Variants in CPA6 observed in about 807,000 individuals in gnomAD.
The protein encoded by CPA6 is carboxypeptidase B.
CPA6 carries 58 observed loss-of-function variants against 63.3 expected under a neutral mutation model. The observed-to-expected ratio is 0.92, with a 90% CI of 0.74 to 1.14. The LOEUF (loss-of-function observed/expected upper bound fraction) is 1.14. Among genes scored for constraint, CPA6 ranks in the 50% most tolerant of loss-of-function variants. The pLI, the probability that CPA6 is intolerant of heterozygous loss-of-function variation, is 0.00. For synonymous variants in CPA6, 185 were observed against 179.0 expected (o/e 1.03, Z -0.27); for missense variants, 565 against 526.6 (o/e 1.07, Z -0.71).
intron 4 of CPA6, among the ~76,000 whole-genome samples, chr8:67,510,627 C>T (rs866336483): frequency 2.6e-5 from 4 of 152,020 alleles, no homozygotes; most frequent in East Asian, 1.9e-4. Flanking sequence ...AACCAAAAAC[C>T]GTCTTAAGAA....
chr8:67,496,066 A>G (rs1416384177), intron 6 of CPA6, among the ~76,000 whole-genome samples: 1 of 152,102 alleles, frequency 6.6e-6, no homozygotes, highest in Non-Finnish European at 1.5e-5. Context: ...TCAAATTCCA[A>G]CTTCTCAGTC....
At chr8:67,715,150 A>G (rs898347612) in intron 1 of CPA6, among the ~76,000 whole-genome samples, 7 of 152,082 alleles carry the variant, frequency 4.6e-5, no homozygotes, top group Non-Finnish European at 7.4e-5. Context: ...TGGGTGTCCT[A>G]TGATTAAATT....
chr8:67,498,499 A>G (rs1563976915), intron 6 of CPA6, among the ~76,000 whole-genome samples: 2 of 145,282 alleles, frequency 1.4e-5, no homozygotes, highest in South Asian at 4.4e-4. Flanking sequence ...TCACACCACT[A>G]CACTCCAACC....
chr8:67,483,752 T>C lies in CPA6; in HGVS notation c.838+16A>G. 6.2e-7 allele frequency: 1 copy of C among 1,609,502 alleles called. No homozygotes were observed. The highest frequency in any genetic ancestry group is 8.5e-7 in the Non-Finnish European group (1 of 1,175,834). ...AGAAACCTTTGGATCTGGATCCCAG[T>C]TGGTCCCAAACTTACCACACCACTT... On this transcript the variant is annotated intron_variant, in intron 8 of 10. Transcript: ENST00000297770.
chr8:67,710,720 C>T (rs1037238541), intron 1 of CPA6, among the ~76,000 whole-genome samples: 1 of 150,142 alleles, frequency 6.7e-6, no homozygotes, highest in African/African-American at 2.5e-5. Flanking sequence ...TCTAGGGTCC[C>T]ATTGGCCCAA....
intron 2 of CPA6, among the ~76,000 whole-genome samples, chr8:67,572,390 A>G (rs1813507854): frequency 6.6e-6 from 1 of 152,198 alleles, no homozygotes; most frequent in Admixed American, 6.5e-5. Flanking sequence ...AATTCCCACA[A>G]GAATGGATTA....
intron 2 of CPA6, among the ~76,000 whole-genome samples, chr8:67,538,910 T>G (rs1182961880): frequency 6.6e-6 from 1 of 152,122 alleles, no homozygotes; most frequent in African/African-American, 2.4e-5. Flanking sequence ...CTGCCTGCCT[T>G]GGACTCCCCA....
intron 2 of CPA6, among the ~76,000 whole-genome samples, chr8:67,588,882 G>A (rs113424937): frequency 6.0e-4 from 91 of 152,232 alleles, no homozygotes; most frequent in African/African-American, 2.0e-3. Context: ...GCTCATGCGT[G>A]TAATCCCAGC....
At chr8:67,681,200 C>CTTTCTTTTTTTTTTTTTTTTTTT (rs1816586314) in intron 1 of CPA6, among the ~76,000 whole-genome samples, 1 of 89,896 alleles carries the variant, frequency 1.1e-5, no homozygotes, top group Non-Finnish European at 2.0e-5. Context: ...CAAAGATTTT[C>CTTTCTTTTTTTTTTTTTTTTTTT]TTTTTTTTTT....
chr8:67,484,671 T>C lies in CPA6; in HGVS notation c.747+8A>G, dbSNP rs756155417. On this transcript the variant is annotated splice_region_variant and intron_variant, in intron 7 of 10. Transcript: ENST00000297770. ...CCTCTTTTCAACTGGGTAGGCAAAG[T>C]GACTTACATTGGTCCAACTAAAATG... The C allele has an allele frequency of 2.8e-6, 4 of 1,423,736 alleles. No homozygotes were observed. In the East Asian group the frequency reaches 9.1e-5, roughly 32 times the overall value. The allele number at this position is 1,423,736 out of a possible 1,614,324, so 88.2% of individuals were successfully genotyped here. A position where few individuals can be genotyped will look rare whatever the true frequency, so the allele number is the denominator to read the frequency against.
At position 67,428,276 on chromosome 8, in the gene CPA6, T is replaced by C. The variant is rs112889735; in HGVS notation, c.1042-145A>G. ...CATTAATAATATTATATTACTCTTA[T>C]GTCACACGCTACATTTTGCAACATG... On this transcript the variant is annotated intron_variant, in intron 9 of 10. Transcript: ENST00000297770. The C allele has an allele frequency of 1.8e-5, 10 of 540,758 alleles. 1 individual carries two copies. The highest frequency in any genetic ancestry group is 2.3e-5 in the Non-Finnish European group (7 of 307,156). 33.5% of individuals were successfully genotyped at this position (540,758 alleles called of 1,614,324 possible).
chr8:67,630,110 A>AAAT (rs61666997), intron 1 of CPA6, among the ~76,000 whole-genome samples: 35,529 of 144,682 alleles, frequency 0.25, 4,601 homozygotes, highest in African/African-American at 0.32. Flanking sequence ...GTCTCAATTA[A>AAAT]AATAATAATA....
intron 8 of CPA6, among the ~76,000 whole-genome samples, chr8:67,450,669 G>T (rs773991547): frequency 6.6e-6 from 1 of 152,188 alleles, no homozygotes; most frequent in Non-Finnish European, 1.5e-5. Flanking sequence ...GGGTGAAGAC[G>T]TGAGTGGTGA....
chr8:67,590,801 G>A (rs1359542734), intron 2 of CPA6, among the ~76,000 whole-genome samples: 1 of 150,452 alleles, frequency 6.6e-6, no homozygotes, highest in African/African-American at 2.4e-5. Flanking sequence ...TGTCAGATGA[G>A]TAGGTTGCGA....
In CPA6 at chr8:67,489,593, C is replaced by T. The variant is rs1336271592; in HGVS notation, c.637-4804G>A. Reference sequence around the variant, plus strand: ...ACAGATTATTTGGTATTTGTTGATACTTGCTTTGTGGACTAGAATATAATC... The same window carrying T: ...ACAGATTATTTGGTATTTGTTGATATTTGCTTTGTGGACTAGAATATAATC... On this transcript the variant is annotated intron_variant, in intron 6 of 10. Coordinates refer to ENST00000297770, the MANE Select transcript of CPA6 (RefSeq NM_020361.5). Among the ~76,000 whole-genome samples the T allele has an allele frequency of 2.6e-5, 4 of 151,822 alleles. No individual in the cohort carries two copies. In the East Asian group the frequency reaches 7.7e-4, roughly 29 times the overall value.
chr8:67,586,073 A>G (rs1345139777), intron 2 of CPA6, among the ~76,000 whole-genome samples: 4 of 152,224 alleles, frequency 2.6e-5, no homozygotes, highest in Non-Finnish European at 4.4e-5. Flanking sequence ...GAGAATAGCC[A>G]TAATAACAAG....
At chr8:67,743,144 C>T (rs920350047) in intron 1 of CPA6, among the ~76,000 whole-genome samples, 2 of 152,132 alleles carry the variant, frequency 1.3e-5, no homozygotes, top group Non-Finnish European at 2.9e-5. Context: ...AAGCCCTTGA[C>T]ATAAAGTACC....
chr8:67,492,820 A>G (rs55707006), intron 6 of CPA6, among the ~76,000 whole-genome samples: 18,650 of 152,164 alleles, frequency 0.12, 1,261 homozygotes, highest in East Asian at 0.23. Flanking sequence ...AGTTTAGTCA[A>G]ACTGAAACTA....
intron 2 of CPA6, among the ~76,000 whole-genome samples, chr8:67,621,985 G>A (rs1450268586): frequency 6.6e-6 from 1 of 152,202 alleles, no homozygotes; most frequent in Non-Finnish European, 1.5e-5. Context: ...TTCCATCTAT[G>A]ATGATTTCTG....
Sources: gnomAD v4.1 joint callset for allele counts (sites outside exome capture counted in the v4.1 genomes callset) on GRCh38, gnomAD v4.1.1 for gene constraint, MANE v1.5 for transcripts, NCBI Gene and HGNC (gene_info 2026-07-23, HGNC 2026-07-21) for gene names.